MSI2: variants seen among roughly 807,000 people sequenced by gnomAD.
MSI2 encodes RNA-binding protein Musashi homolog 2.
MSI2 carries 17 observed loss-of-function variants against 45.6 expected under a neutral mutation model. That is an observed-to-expected ratio of 0.37 (90% CI 0.26 to 0.56). The LOEUF is 0.56. Ranked by LOEUF, MSI2 falls within the 20% of genes least tolerant of loss-of-function variation. MSI2 has a pLI of 0.77. For synonymous variants in MSI2, 156 were observed against 158.2 expected (o/e 0.99, Z 0.11); for missense variants, 293 against 444.2 (o/e 0.66, Z 3.06).
chr17:57,354,903 A>T (rs1916305732), intron 5 of MSI2, among the ~76,000 whole-genome samples: 1 of 152,150 alleles, frequency 6.6e-6, no homozygotes, highest in African/African-American at 2.4e-5. Context: ...AAGTGGTTTT[A>T]TGGGGCCACA....
chr17:57,436,847 G>A (rs554254285), intron 6 of MSI2, among the ~76,000 whole-genome samples: 1 of 152,296 alleles, frequency 6.6e-6, no homozygotes, highest in African/African-American at 2.4e-5. Context: ...GCAGAGATGA[G>A]TACTGACAGT....
chr17:57,281,537 G>C (rs1217796051), intron 5 of MSI2, among the ~76,000 whole-genome samples: 1 of 152,094 alleles, frequency 6.6e-6, no homozygotes, highest in East Asian at 1.9e-4. Context: ...GGGTTCTCGG[G>C]GCTAATTCTG....
At chr17:57,508,895 G>T (rs1365064411) in intron 6 of MSI2, among the ~76,000 whole-genome samples, 1 of 152,230 alleles carries the variant, frequency 6.6e-6, no homozygotes, top group Non-Finnish European at 1.5e-5. Context: ...CCACAAGGCT[G>T]TTCCGGGACC....
intron 5 of MSI2, among the ~76,000 whole-genome samples, chr17:57,398,357 G>C (rs985999795): frequency 6.6e-6 from 1 of 152,150 alleles, no homozygotes; most frequent in Non-Finnish European, 1.5e-5. Flanking sequence ...ACTAGTGTAT[G>C]TTGGTAGATC....
chr17:57,490,832 C>T (rs1190893156), intron 6 of MSI2, among the ~76,000 whole-genome samples: 1 of 152,222 alleles, frequency 6.6e-6, no homozygotes, highest in Non-Finnish European at 1.5e-5. Flanking sequence ...GAGTAGCTGA[C>T]ATGCCTTCTA....
chr17:57,298,860 T>C (rs1472224487), intron 5 of MSI2, among the ~76,000 whole-genome samples: 1 of 152,220 alleles, frequency 6.6e-6, no homozygotes, highest in Admixed American at 6.5e-5. Context: ...AGCCAGCCAT[T>C]GGCTTCTCCT....
chr17:57,385,461 G>A (rs193085028), intron 5 of MSI2, among the ~76,000 whole-genome samples: 18 of 152,206 alleles, frequency 1.2e-4, no homozygotes, highest in African/African-American at 4.3e-4. Context: ...AGACGAGCCT[G>A]GCCAACATGG....
chr17:57,352,922 G>A (rs1916135692), intron 5 of MSI2, among the ~76,000 whole-genome samples: 1 of 152,228 alleles, frequency 6.6e-6, no homozygotes, highest in East Asian at 1.9e-4. Flanking sequence ...GGTGTGGAGA[G>A]TAGGAAATTA....
intron 11 of MSI2, among the ~76,000 whole-genome samples, chr17:57,663,741 G>T (rs1912173524): frequency 6.6e-6 from 1 of 152,170 alleles, no homozygotes; most frequent in African/African-American, 2.4e-5. Flanking sequence ...ATCAGCTCCA[G>T]GTGTGTAAAA....
chr17:57,389,603 T>C (rs559054327), intron 5 of MSI2, among the ~76,000 whole-genome samples: 49 of 152,348 alleles, frequency 3.2e-4, no homozygotes, highest in African/African-American at 1.1e-3. Flanking sequence ...CATGCAGTGC[T>C]TGGCACATAG....
At chr17:57,425,516 T>C (rs928378683) in intron 6 of MSI2, among the ~76,000 whole-genome samples, 1 of 152,204 alleles carries the variant, frequency 6.6e-6, no homozygotes, top group Non-Finnish European at 1.5e-5. Flanking sequence ...AGATGGCCTT[T>C]TCTGGTCAGT....
At chr17:57,577,403 A>G (rs2088078843) in intron 7 of MSI2, among the ~76,000 whole-genome samples, 1 of 152,220 alleles carries the variant, frequency 6.6e-6, no homozygotes. Context: ...ATGAAAGTCC[A>G]GCCTGGTCCA....
At chr17:57,256,898 C>T (rs1906783275) in intron 1 of MSI2, 94 bp downstream of exon 1, 31 of 514,322 alleles carry the variant, frequency 6.0e-5, no homozygotes, top group East Asian at 9.6e-5. Context: ...ATCTCCCGCG[C>T]CCCCCCGCCT....
At chr17:57,341,889 C>T (rs1915195687) in intron 5 of MSI2, among the ~76,000 whole-genome samples, 1 of 152,014 alleles carries the variant, frequency 6.6e-6, no homozygotes, top group Admixed American at 6.6e-5. Flanking sequence ...TTTTTTCCCC[C>T]TTTCTTTTCT....
the MSI2 span, among the ~76,000 whole-genome samples, chr17:57,693,355 T>C: frequency 6.6e-6 from 1 of 152,140 alleles, no homozygotes; most frequent in African/African-American, 2.4e-5. Context: ...CGAAATTTTG[T>C]ATTTTTAGTA....
chr17:57,371,711 C>T (rs78310935), intron 5 of MSI2, among the ~76,000 whole-genome samples: 4,788 of 151,968 alleles, frequency 0.032, 97 homozygotes, highest in Non-Finnish European at 0.041. Flanking sequence ...GAATAGTTAG[C>T]TGGTTAGTGA....
the MSI2 span, among the ~76,000 whole-genome samples, chr17:57,693,392 G>A: frequency 1.4e-5 from 2 of 141,570 alleles, no homozygotes; most frequent in Admixed American, 7.2e-5. Context: ...ATGTTGGCCA[G>A]GCTGGTCTCA....
chr17:57,665,237 G>A (rs1912282146), intron 11 of MSI2, among the ~76,000 whole-genome samples: 1 of 152,200 alleles, frequency 6.6e-6, no homozygotes, highest in South Asian at 2.1e-4. Context: ...TCTCTCTCGA[G>A]GACAGGCCAG....
intron 6 of MSI2, among the ~76,000 whole-genome samples, chr17:57,428,815 A>G (rs930141434): frequency 6.6e-6 from 1 of 151,880 alleles, no homozygotes; most frequent in African/African-American, 2.4e-5. Context: ...TGTATTGTCC[A>G]TTTTCCAAGG....
Sources: allele counts gnomAD v4.1 joint callset (sites outside exome capture counted in the v4.1 genomes callset), GRCh38; gene constraint gnomAD v4.1.1; transcripts MANE v1.5; gene names NCBI Gene and HGNC (gene_info 2026-07-23, HGNC 2026-07-21).